The following HDAC9 variants were observed in gnomAD, a reference collection of about 807,000 sequenced individuals.
The protein encoded by HDAC9 is MEF-2 interacting transcription repressor (MITR) protein.
A neutral mutation model predicts 139.4 loss-of-function variants in HDAC9; 41 were observed. The ratio of observed to expected loss-of-function variants is 0.29; its 90% CI spans 0.23 to 0.38. HDAC9 has a LOEUF of 0.38. Ranked by LOEUF, HDAC9 falls within the 10% of genes least tolerant of loss-of-function variation. The pLI is 1.00. For missense variants in HDAC9, 1,147 were observed against 1,297.0 expected, an observed-to-expected ratio of 0.88 and a Z score of 1.78; for synonymous variants, 517 against 476.2, an observed-to-expected ratio of 1.09 and a Z score of -1.12.
At chr7:18,861,022 T>G (rs1798063425) in intron 21 of HDAC9, among the ~76,000 whole-genome samples, 1 of 152,186 alleles carries the variant, frequency 6.6e-6, no homozygotes, top group African/African-American at 2.4e-5. Flanking sequence ...AAAGACTGAT[T>G]TAGTAATGCT....
intron 1 of HDAC9, among the ~76,000 whole-genome samples, chr7:18,401,232 A>T (rs1370546987): frequency 6.6e-6 from 1 of 152,202 alleles, no homozygotes; most frequent in African/African-American, 2.4e-5. Context: ...AAACAGCTTG[A>T]TAGTCACTTC....
chr7:18,761,503 T>C (rs1789387060), intron 14 of HDAC9, among the ~76,000 whole-genome samples: 1 of 152,196 alleles, frequency 6.6e-6, no homozygotes. Flanking sequence ...GGTAAGATTA[T>C]AGTAGATTCA....
At chr7:18,509,272 T>G (rs1800712009) in intron 2 of HDAC9, 1 of 984,976 alleles carries the variant, frequency 1.0e-6, no homozygotes, top group South Asian at 4.7e-5. Flanking sequence ...GCTATTTTAA[T>G]CTCCACTTAA....
intron 22 of HDAC9, among the ~76,000 whole-genome samples, chr7:18,925,552 A>G (rs368894514): frequency 6.6e-6 from 1 of 152,210 alleles, no homozygotes; most frequent in African/African-American, 2.4e-5. Flanking sequence ...TTATTTTTTG[A>G]GTCCTCTTGA....
At chr7:18,295,197 A>G (rs570425518) in intron 1 of HDAC9, among the ~76,000 whole-genome samples, 1 of 152,264 alleles carries the variant, frequency 6.6e-6, no homozygotes, top group African/African-American at 2.4e-5. Context: ...CAAAATTTAG[A>G]AGACAGAGGA....
At chr7:18,542,075 A>G (rs185150545) in intron 2 of HDAC9, among the ~76,000 whole-genome samples, 2 of 152,118 alleles carry the variant, frequency 1.3e-5, no homozygotes, top group African/African-American at 4.8e-5. Flanking sequence ...GTAGCACAAC[A>G]CTCCACTCTG....
chr7:18,945,944 G>A (rs1782357277), intron 23 of HDAC9, among the ~76,000 whole-genome samples: 1 of 148,140 alleles, frequency 6.8e-6, no homozygotes, highest in South Asian at 2.2e-4. Context: ...GGCTGAGGCT[G>A]GAGAATCGGT....
intron 2 of HDAC9, among the ~76,000 whole-genome samples, chr7:18,499,485 G>A (rs566786464): frequency 6.6e-6 from 1 of 152,014 alleles, no homozygotes; most frequent in Non-Finnish European, 1.5e-5. Context: ...GACACATTTT[G>A]TCAAGTACAT....
At chr7:18,938,409 C>T (rs969035425) in intron 23 of HDAC9, among the ~76,000 whole-genome samples, 17 of 152,086 alleles carry the variant, frequency 1.1e-4, no homozygotes, top group African/African-American at 4.1e-4. Flanking sequence ...TCCTGGCTAA[C>T]ACTGTGAAAC....
chr7:18,330,411 A>G (rs1562884615), intron 1 of HDAC9, among the ~76,000 whole-genome samples: 1 of 151,632 alleles, frequency 6.6e-6, no homozygotes, highest in Non-Finnish European at 1.5e-5. Context: ...CATACAAGAT[A>G]CCTTGTCTGT....
chr7:18,528,757 G>T (rs886682489), intron 2 of HDAC9, among the ~76,000 whole-genome samples: 8 of 152,080 alleles, frequency 5.3e-5, no homozygotes, highest in African/African-American at 1.9e-4. Flanking sequence ...ATGAGCATGG[G>T]ACTTATTATG....
At chr7:18,431,641 A>G (rs796993000) in intron 1 of HDAC9, among the ~76,000 whole-genome samples, 5 of 152,304 alleles carry the variant, frequency 3.3e-5, no homozygotes, top group South Asian at 4.1e-4. Flanking sequence ...TGCTACTAAC[A>G]TTATTATTAT....
chr7:18,100,222 A>G (rs1424954744), intron 1 of HDAC9, among the ~76,000 whole-genome samples: 4 of 152,180 alleles, frequency 2.6e-5, no homozygotes, highest in Middle Eastern at 3.4e-3. Context: ...ATCAAGTCCT[A>G]TAACGTATTC....
At chr7:18,938,981 T>C (rs1240678981) in intron 23 of HDAC9, among the ~76,000 whole-genome samples, 3 of 152,350 alleles carry the variant, frequency 2.0e-5, no homozygotes, top group African/African-American at 7.2e-5. Context: ...AACCTGACCA[T>C]GTGAGTGTTT....
At chr7:18,939,618 G>A (rs995934632) in intron 23 of HDAC9, among the ~76,000 whole-genome samples, 30 of 152,030 alleles carry the variant, frequency 2.0e-4, no homozygotes, top group African/African-American at 7.2e-4. Context: ...TTTTAGAAAA[G>A]TAATATATAA....
At chr7:18,500,246 A>T (rs1798022243) in intron 2 of HDAC9, among the ~76,000 whole-genome samples, 1 of 152,176 alleles carries the variant, frequency 6.6e-6, no homozygotes, top group Non-Finnish European at 1.5e-5. Context: ...AATTCAAAAA[A>T]TATTCTAAAT....
intron 1 of HDAC9, among the ~76,000 whole-genome samples, chr7:18,336,928 T>A (rs1310646970): frequency 2.0e-5 from 3 of 151,618 alleles, no homozygotes. Flanking sequence ...CAGGATATAT[T>A]TTATAATTAC....
chr7:18,789,015 T>C (rs149803577), intron 16 of HDAC9, among the ~76,000 whole-genome samples: 1 of 152,122 alleles, frequency 6.6e-6, no homozygotes, highest in African/African-American at 2.4e-5. Context: ...AGAAGGGGTC[T>C]CTACTCTGAA....
In HDAC9 at chr7:18,459,671, T is replaced by G. The variant is rs541267264; in HGVS notation, c.-41-36591T>G. 2.0e-5 allele frequency among the ~76,000 whole-genome samples: 3 copies of G among 152,210 alleles called. No individual in the cohort carries two copies. In the South Asian group the frequency reaches 6.2e-4, roughly 32 times the overall value. ...CAAATTACAAATTAACATTTGCAAG[T>G]GTAGATTTGGGGGATTATGCTGGAG... On this transcript the variant is annotated intron_variant, in intron 1 of 3. Transcript: ENST00000413509.
Sources: allele counts gnomAD v4.1 joint callset (sites outside exome capture counted in the v4.1 genomes callset), GRCh38; gene constraint gnomAD v4.1.1; transcripts MANE v1.5; gene names NCBI Gene and HGNC (gene_info 2026-07-23, HGNC 2026-07-21).